Variants in SPTLC3 observed in about 807,000 individuals in gnomAD.
The protein encoded by SPTLC3 is serine palmitoyltransferase long chain base subunit 3.
In SPTLC3, 36 loss-of-function variants were observed where a neutral mutation model predicts 59.3. That is an observed-to-expected ratio of 0.61 (90% CI 0.47 to 0.80). The LOEUF is 0.80. Among genes scored for constraint, SPTLC3 ranks in the 30% least tolerant of loss-of-function variants. The pLI is 0.00. For synonymous variants in SPTLC3, 257 were observed against 240.8 expected, an observed-to-expected ratio of 1.07 and a Z score of -0.62; for missense variants, 625 against 685.1, an observed-to-expected ratio of 0.91 and a Z score of 0.98.
chr20:13,074,310 G>A, intron 3 of SPTLC3, 39 bp from the exon 4 acceptor site: 1 of 1,607,592 alleles, frequency 6.2e-7, no homozygotes, highest in Non-Finnish European at 8.5e-7. Flanking sequence ...CATAATCCTG[G>A]GGAGGGGATT....
chr20:13,019,759 A>T (rs1325612901), intron 1 of SPTLC3, among the ~76,000 whole-genome samples: 1 of 152,218 alleles, frequency 6.6e-6, no homozygotes, highest in African/African-American at 2.4e-5. Flanking sequence ...AGTCACCAAG[A>T]TTGTTCTCTA....
intron 9 of SPTLC3, among the ~76,000 whole-genome samples, chr20:13,129,952 CAG>C (rs1049389937): frequency 6.6e-6 from 1 of 150,998 alleles, no homozygotes; most frequent in Non-Finnish European, 1.5e-5. Context: ...AAAAAAAAAA[CAG>C]AGAATGCTAT....
At chr20:13,082,048 G>T (rs1214549109) in intron 4 of SPTLC3, among the ~76,000 whole-genome samples, 1 of 152,156 alleles carries the variant, frequency 6.6e-6, no homozygotes, top group Non-Finnish European at 1.5e-5. Context: ...ATTTCTGCAA[G>T]TGTAGAATTT....
At chr20:13,122,647 A>C (rs1185691939) in intron 8 of SPTLC3, among the ~76,000 whole-genome samples, 1 of 152,204 alleles carries the variant, frequency 6.6e-6, no homozygotes, top group Admixed American at 6.5e-5. Context: ...GTTATTGTGA[A>C]ATTTAAATGT....
At position 13,009,188 on chromosome 20, in the gene SPTLC3, C is replaced by A; in HGVS notation, c.-80C>A. 9.0e-7 allele frequency: 1 copy of A among 1,115,502 alleles called. No homozygotes were observed. The highest frequency in any genetic ancestry group is 1.3e-6 in the Non-Finnish European group (1 of 745,068). The allele number at this position is 1,115,502 out of a possible 1,614,324, so 69.1% of individuals were successfully genotyped here. A position where few individuals can be genotyped will look rare whatever the true frequency, so the allele number is the denominator to read the frequency against. ...GGCTCAGCCCCAAAGAGCTTTATCCCATCCCCTCGCAGACTGAAAACTAAA... is the reference window on the plus strand; with the variant it reads ...GGCTCAGCCCCAAAGAGCTTTATCCAATCCCCTCGCAGACTGAAAACTAAA... On this transcript the variant is annotated 5_prime_UTR_variant, in exon 1 of 12. Coordinates refer to ENST00000399002, the MANE Select transcript of SPTLC3 (RefSeq NM_018327.4).
At chr20:13,152,764 G>A (rs1361133847) in intron 9 of SPTLC3, among the ~76,000 whole-genome samples, 1 of 152,164 alleles carries the variant, frequency 6.6e-6, no homozygotes, top group African/African-American at 2.4e-5. Context: ...TACTCAAACA[G>A]TATGGTTCTC....
chr20:13,123,042 A>G (rs958138972), intron 8 of SPTLC3, among the ~76,000 whole-genome samples: 1 of 152,152 alleles, frequency 6.6e-6, no homozygotes, highest in Non-Finnish European at 1.5e-5. Context: ...ATTGATTAAC[A>G]ATACTCGGCC....
rs141213506 is a variant in SPTLC3, at chr20:13,086,343, T to G, written c.608-4740T>G. ...AGAGCAGGAAGAGAAAAGCAGCCCT[T>G]GATTAAAAGGAAGATTTTTCATTAT... is the stretch of plus-strand genomic sequence containing the variant. On this transcript the variant is annotated intron_variant, in intron 4 of 11. Transcript: ENST00000399002. Among the ~76,000 whole-genome samples the G allele has an allele frequency of 3.0e-3, 462 of 152,280 alleles. 1 individual carries two copies. Among genetic ancestry groups the G allele is most frequent in the Non-Finnish European group, 5.1e-3 (347 of 68,016 alleles).
intron 5 of SPTLC3, among the ~76,000 whole-genome samples, chr20:13,092,201 G>C (rs1181834970): frequency 1.3e-5 from 2 of 152,206 alleles, no homozygotes; most frequent in African/African-American, 2.4e-5. Context: ...CATAGGTTTG[G>C]AGGAACTAGA....
In SPTLC3 at chr20:13,164,959, T is replaced by C; in HGVS notation, c.*92T>C. The C allele has an allele frequency of 8.9e-7, 1 of 1,129,494 alleles. No individual in the cohort carries two copies. Among genetic ancestry groups the C allele is most frequent in the Non-Finnish European group, 1.2e-6 (1 of 801,134 alleles). 70.0% of individuals were successfully genotyped at this position (1,129,494 alleles called of 1,614,324 possible). ...ATATAAATGGATTTCTCCCCCTTCC[T>C]CAGGACAATTTTGGTTCCCAGACCA... On this transcript the variant is annotated 3_prime_UTR_variant, in exon 12 of 12. Transcript: ENST00000399002.
rs541145756 is a variant in SPTLC3, at chr20:13,152,382, A to G, written c.1280-1621A>G. Among the ~76,000 whole-genome samples, 188 of 152,276 alleles carry G rather than the reference A, an allele frequency of 1.2e-3. 1 individual carries two copies. Among genetic ancestry groups the G allele is most frequent in the South Asian group, 2.5e-3 (12 of 4,830 alleles). Reference sequence around the variant, plus strand: ...TTAGTAGCCACCACCTGAATTACTCATGACACATTTGGTTATAAGAGGCAG... The same window carrying G: ...TTAGTAGCCACCACCTGAATTACTCGTGACACATTTGGTTATAAGAGGCAG... On this transcript the variant is annotated intron_variant, in intron 9 of 11. Coordinates refer to ENST00000399002, the MANE Select transcript of SPTLC3 (RefSeq NM_018327.4).
At chr20:13,081,977 A>G (rs1288868768) in intron 4 of SPTLC3, among the ~76,000 whole-genome samples, 2 of 152,164 alleles carry the variant, frequency 1.3e-5, no homozygotes, top group Non-Finnish European at 2.9e-5. Context: ...TGACAACATA[A>G]TTGCCCTTCT....
intron 1 of SPTLC3, among the ~76,000 whole-genome samples, chr20:13,039,166 T>A (rs1026946650): frequency 6.6e-6 from 1 of 152,082 alleles, no homozygotes; most frequent in African/African-American, 2.4e-5. Context: ...TCAAGTCTTC[T>A]ATTTTCTTGT....
chr20:13,054,390 AT>A (rs1342689456), intron 2 of SPTLC3, among the ~76,000 whole-genome samples: 1 of 152,214 alleles, frequency 6.6e-6, no homozygotes, highest in Non-Finnish European at 1.5e-5. Flanking sequence ...TGAGAAATGG[AT>A]TGCAGAAAGA....
At chr20:13,116,158 G>T (rs1348017739) in intron 7 of SPTLC3, among the ~76,000 whole-genome samples, 1 of 151,746 alleles carries the variant, frequency 6.6e-6, no homozygotes, top group African/African-American at 2.4e-5. Context: ...GTTGGTCTGG[G>T]TGACTGTGCA....
At chr20:13,011,342 G>T (rs934669774) in intron 1 of SPTLC3, among the ~76,000 whole-genome samples, 3 of 152,114 alleles carry the variant, frequency 2.0e-5, no homozygotes, top group Admixed American at 6.5e-5. Flanking sequence ...AGAATCCTAG[G>T]CTGCTGGTCT....
At chr20:13,088,820 G>A (rs1989100261) in intron 4 of SPTLC3, among the ~76,000 whole-genome samples, 1 of 135,128 alleles carries the variant, frequency 7.4e-6, no homozygotes, top group Non-Finnish European at 1.6e-5. Flanking sequence ...TAGTAGAGAT[G>A]AGGTTTCCCC....
chr20:13,013,216 T>C (rs1985346451), intron 1 of SPTLC3, among the ~76,000 whole-genome samples: 1 of 152,260 alleles, frequency 6.6e-6, no homozygotes, highest in East Asian at 1.9e-4. Context: ...GCTGAACTTC[T>C]ATTCTCCCCA....
At chr20:13,096,053 A>C in intron 6 of SPTLC3, among the ~76,000 whole-genome samples, 1 of 152,292 alleles carries the variant, frequency 6.6e-6, no homozygotes, top group African/African-American at 2.4e-5. Context: ...GCAGTGGTTA[A>C]GAGTATAGGC....
Sources: gnomAD v4.1 joint callset for allele counts (sites outside exome capture counted in the v4.1 genomes callset) on GRCh38, gnomAD v4.1.1 for gene constraint, MANE v1.5 for transcripts, NCBI Gene and HGNC (gene_info 2026-07-23, HGNC 2026-07-21) for gene names.